NME5: variants seen among roughly 807,000 people sequenced by gnomAD.
The protein encoded by NME5 is NME/NM23 family member 5.
In NME5, 18 loss-of-function variants were observed where a neutral mutation model predicts 21.6. The observed-to-expected ratio is 0.83, with a 90% CI of 0.58 to 1.24. NME5 has a LOEUF of 1.24. NME5 is among the 50% of genes most tolerant of loss of function. The probability of loss-of-function intolerance (pLI) is 0.00; values close to 1 mark genes in which losing one functional copy is unlikely to be tolerated. For missense variants in NME5, 223 were observed against 255.4 expected (o/e 0.87, Z 0.86); for synonymous variants, 70 against 80.6 (o/e 0.87, Z 0.71).
At chr5:138,116,105 CA>C (rs1189938363) in intron 5 of NME5, 43 of 167,214 alleles carry the variant, frequency 2.6e-4, no homozygotes, top group East Asian at 4.7e-4. Context: ...AATGACAGTC[CA>C]AAAAAAAATT....
chr5:138,125,902 C>T (rs1751411919), intron 4 of NME5, among the ~76,000 whole-genome samples: 2 of 152,220 alleles, frequency 1.3e-5, no homozygotes, highest in African/African-American at 4.8e-5. Flanking sequence ...TTGTGAGCCA[C>T]CACGTCCAGC....
rs574204454 is a variant in NME5 at position 138,129,356 on chromosome 5, G to A, written c.242C>T (p.Ala81Val). Residue 81 changes from alanine to valine, a missense_variant, in exon 3 of 6, where the codon GCC (alanine) becomes GTC (valine). Transcript: ENST00000265191. ...TAYMSSGPLV[A>V]MILARHKAIS... ...GGCTTTATGTCTAGCTAATATCATG[G>A]CGACAAGTGGTCCAGAACTCATGTA... 1.4e-5 allele frequency: 22 copies of A among 1,613,860 alleles called. No homozygotes were observed. In the South Asian group the frequency reaches 2.0e-4, roughly 14 times the overall value.
chr5:138,122,441 TAAA>T lies in NME5; in HGVS notation c.437-3508_437-3506del, dbSNP rs70979581. Reference sequence around the variant, plus strand: ...GGTGACAAGAGCGAAACTCTGTCTCTAAAAAAAAAAAAAAAAAAAAAAAAAAAA... The same window carrying T: ...GGTGACAAGAGCGAAACTCTGTCTCTAAAAAAAAAAAAAAAAAAAAAAAAA... On this transcript the variant is annotated intron_variant, in intron 4 of 5. Transcript: ENST00000265191. Among the ~76,000 whole-genome samples, 122 of 34,466 alleles carry T rather than the reference TAAA, an allele frequency of 3.5e-3. 4 individuals are homozygous for T. Among genetic ancestry groups the T allele is most frequent in the African/African-American group, 0.011 (104 of 9,284 alleles). 22.6% of individuals were successfully genotyped at this position (34,466 alleles called of 152,430 possible).
intron 2 of NME5, among the ~76,000 whole-genome samples, chr5:138,131,204 TAAAAAAAAA>T (rs762579967): frequency 4.9e-5 from 4 of 80,876 alleles, no homozygotes; most frequent in Non-Finnish European, 8.9e-5. Context: ...CCGTCTCTGC[TAAAAAAAAA>T]AAAAAAAAAA....
At chr5:138,127,759 T>C (rs1468874152) in intron 4 of NME5, 4 of 773,636 alleles carry the variant, frequency 5.2e-6, no homozygotes, top group Non-Finnish European at 6.3e-6. Context: ...TGCATGAGAC[T>C]TTGTTAGGCA....
In NME5 at chr5:138,115,749, A is replaced by G; in HGVS notation, c.571T>C (p.Trp191Arg). The G allele has an allele frequency of 7.6e-6, 12 of 1,583,134 alleles. No homozygotes were observed. Among genetic ancestry groups the G allele is most frequent in the Non-Finnish European group, 9.4e-6 (11 of 1,170,578 alleles). The change falls in exon 6 of 6, where the codon TGG becomes CGG. Residue 191 changes from tryptophan (W) to arginine (R), a missense_variant. By Grantham distance (101) the Trp-to-Arg change is moderately radical. Transcript: ENST00000265191. ...PADPLIWLAD[W>R]LLKNNPNKPK... ...TTGTTAGGATTATTTTTCAGCAGCC[A>G]ATCAGCTAGCCAAATCTATGGGAAA...
At chr5:138,120,812 A>ATATGTATG (rs1185243878) in intron 4 of NME5, among the ~76,000 whole-genome samples, 1 of 152,150 alleles carries the variant, frequency 6.6e-6, no homozygotes, top group Non-Finnish European at 1.5e-5. Flanking sequence ...AGCACCATAT[A>ATATGTATG]CAGACTTTCC....
chr5:138,136,634 T>C (rs1325533625), intron 2 of NME5, among the ~76,000 whole-genome samples: 1 of 151,960 alleles, frequency 6.6e-6, no homozygotes, highest in Non-Finnish European at 1.5e-5. Flanking sequence ...TTATATAATC[T>C]TTTTTTAAAT....
intron 2 of NME5, among the ~76,000 whole-genome samples, chr5:138,131,379 C>CA (rs879516661): frequency 6.8e-4 from 94 of 138,210 alleles, no homozygotes; most frequent in East Asian, 1.0e-3. Flanking sequence ...GAAACTCCGT[C>CA]AAAAAAAAAA....
chr5:138,124,805 G>A (rs1257169992), intron 4 of NME5, among the ~76,000 whole-genome samples: 1 of 152,202 alleles, frequency 6.6e-6, no homozygotes, highest in African/African-American at 2.4e-5. Context: ...ACAAGTGTTA[G>A]CCACCATGCC....
At position 138,130,419 on chromosome 5, in the gene NME5, G is replaced by A. The variant is rs76327921; in HGVS notation, c.130-951C>T. 4.2e-3 allele frequency among the ~76,000 whole-genome samples: 645 copies of A among 152,238 alleles called. 21 individuals carry two copies. In the East Asian group the frequency reaches 0.081, roughly 19 times the overall value. ...AAAAAGTAACATGTAGTATAATGAT[G>A]CAGTAAAAAGTTTTTCATTTGAACG... On this transcript the variant is annotated intron_variant, in intron 2 of 5. Coordinates refer to ENST00000265191, the MANE Select transcript of NME5 (RefSeq NM_003551.3).
At position 138,134,818 on chromosome 5, in the gene NME5, C is replaced by A. The variant is rs1409260636; in HGVS notation, c.129+3834G>T. ...TCAGCTCACTGGAAGCTCCACCTCC[C>A]GGGTTCACGCCATTCTCCTGCCTCG... On this transcript the variant is annotated intron_variant, in intron 2 of 5. Transcript: ENST00000265191. Among the ~76,000 whole-genome samples the A allele has an allele frequency of 2.2e-4, 31 of 141,412 alleles. 1 individual carries two copies. Among genetic ancestry groups the A allele is most frequent in the Admixed American group, 2.2e-3 (30 of 13,818 alleles). 92.8% of individuals were successfully genotyped at this position (141,412 alleles called of 152,430 possible).
chr5:138,119,390 G>A (rs903172566), intron 4 of NME5, among the ~76,000 whole-genome samples: 4 of 151,888 alleles, frequency 2.6e-5, no homozygotes, highest in African/African-American at 4.8e-5. Flanking sequence ...TAGAGGCAGG[G>A]TTTCACCATG....
At chr5:138,132,940 GTT>G (rs566088397) in intron 2 of NME5, among the ~76,000 whole-genome samples, 11 of 145,490 alleles carry the variant, frequency 7.6e-5, no homozygotes, top group African/African-American at 2.8e-4. Context: ...GCGTATTAGC[GTT>G]TTTTTTTTTT....
rs1751136408 is a variant in NME5, at chr5:138,115,432, T to C, written c.*249A>G. 1 of 286,282 alleles carries C rather than the reference T, an allele frequency of 3.5e-6. No homozygotes were observed. The highest frequency in any genetic ancestry group is 6.4e-6 in the Non-Finnish European group (1 of 156,086). The allele number at this position is 286,282 out of a possible 1,614,324, so 17.7% of individuals were successfully genotyped here. Reference sequence around the variant, plus strand: ...CTCAAACTTAAGAAAAACAAAAACATCTAGCAACATCTTACATGAGTTTTC... The same window carrying C: ...CTCAAACTTAAGAAAAACAAAAACACCTAGCAACATCTTACATGAGTTTTC... On this transcript the variant is annotated 3_prime_UTR_variant, in exon 6 of 6. Coordinates refer to ENST00000265191, the MANE Select transcript of NME5 (RefSeq NM_003551.3).
chr5:138,128,582 A>G lies in NME5; in HGVS notation c.336-3T>C, dbSNP rs1395508835. ...CTGTGCCATAAATTGCCCTCAGACTAAAAACAAGTTAGAGATGACGTCCAT... is the reference window on the plus strand; with the variant it reads ...CTGTGCCATAAATTGCCCTCAGACTGAAAACAAGTTAGAGATGACGTCCAT... On this transcript the variant is annotated splice_polypyrimidine_tract_variant and splice_region_variant and intron_variant, in intron 3 of 5. Coordinates refer to ENST00000265191, the MANE Select transcript of NME5 (RefSeq NM_003551.3). 1 of 1,602,542 alleles carries G rather than the reference A, an allele frequency of 6.2e-7. No homozygotes were observed. Among genetic ancestry groups the G allele is most frequent in the East Asian group, 2.2e-5 (1 of 44,654 alleles).
chr5:138,115,765 C>G lies in NME5; in HGVS notation c.556-1G>C. The G allele has an allele frequency of 4.5e-6, 7 of 1,556,846 alleles. No individual in the cohort carries two copies. Among genetic ancestry groups the G allele is most frequent in the Non-Finnish European group, 6.0e-6 (7 of 1,158,750 alleles). On this transcript the variant is annotated splice_acceptor_variant, in intron 5 of 5. Transcript: ENST00000265191. LOFTEE classifies it high-confidence loss of function. ...TCAGCAGCCAATCAGCTAGCCAAAT[C>G]TATGGGAAAAAAAAAAACAACCTAA... is the stretch of plus-strand genomic sequence containing the variant.
intron 4 of NME5, among the ~76,000 whole-genome samples, chr5:138,126,425 T>A (rs1751426083): frequency 6.9e-6 from 1 of 144,034 alleles, no homozygotes; most frequent in Admixed American, 7.4e-5. Flanking sequence ...GTGGGAAGAT[T>A]ACTTGAGTCT....
At chr5:138,129,517 G>T in intron 2 of NME5, 49 bp from the exon 3 acceptor site, 1 of 1,335,088 alleles carries the variant, frequency 7.5e-7, no homozygotes, top group Non-Finnish European at 1.1e-6. Context: ...ACAGTTCAAT[G>T]ATAGCTCATT....
Sources: gnomAD v4.1 joint callset for allele counts (sites outside exome capture counted in the v4.1 genomes callset) on GRCh38, gnomAD v4.1.1 for gene constraint, MANE v1.5 for transcripts, NCBI Gene and HGNC (gene_info 2026-07-23, HGNC 2026-07-21) for gene names.